ANKRD31: variants seen among roughly 807,000 people sequenced by gnomAD.
ANKRD31 encodes the protein ankyrin repeat domain 31.
ANKRD31 carries 147 observed loss-of-function variants against 186.0 expected under a neutral mutation model. That is an observed-to-expected ratio of 0.79 (90% CI 0.69 to 0.91). The LOEUF (loss-of-function observed/expected upper bound fraction) is 0.91. Ranked by LOEUF, ANKRD31 falls within the 40% of genes least tolerant of loss-of-function variation. ANKRD31 has a pLI of 0.00. For missense variants in ANKRD31, 1,986 were observed against 2,148.8 expected, an observed-to-expected ratio of 0.92 and a Z score of 1.50; for synonymous variants, 673 against 736.4, an observed-to-expected ratio of 0.91 and a Z score of 1.39.
intron 5 of ANKRD31, among the ~76,000 whole-genome samples, chr5:75,202,413 C>T (rs1373720970): frequency 6.6e-6 from 1 of 152,118 alleles, no homozygotes; most frequent in Non-Finnish European, 1.5e-5. Context: ...ATAAAGAATT[C>T]TTGAATTTTT....
chr5:75,173,361 T>C (rs550297225), intron 10 of ANKRD31, among the ~76,000 whole-genome samples: 5 of 152,224 alleles, frequency 3.3e-5, no homozygotes, highest in South Asian at 2.1e-4. Flanking sequence ...CTATTCAACA[T>C]AGTGTTGGAA....
At chr5:75,218,842 C>A (rs569151358) in intron 3 of ANKRD31, among the ~76,000 whole-genome samples, 75 of 152,100 alleles carry the variant, frequency 4.9e-4, no homozygotes, top group Non-Finnish European at 9.3e-4. Context: ...ATATTCAAAT[C>A]AATAAATGTG....
In ANKRD31 at chr5:75,131,600, A is replaced by C. The variant is rs72768332; in HGVS notation, c.3876+6256T>G. 2.8e-3 allele frequency among the ~76,000 whole-genome samples: 420 copies of C among 152,324 alleles called. 2 individuals are homozygous for C. The highest frequency in any genetic ancestry group is 4.5e-3 in the Non-Finnish European group (308 of 68,030). On this transcript the variant is annotated intron_variant, in intron 17 of 25. Transcript: ENST00000506364. ...CTCTGGGGGCAAGGCATAGCTGAAC[A>C]AACAATGGCAGAAACTTCGGCAGAC...
intron 23 of ANKRD31, among the ~76,000 whole-genome samples, chr5:75,086,554 T>C (rs754131713): frequency 2.6e-5 from 4 of 152,212 alleles, no homozygotes; most frequent in Non-Finnish European, 4.4e-5. Flanking sequence ...TCTCAGGCTT[T>C]TGGACAACAT....
chr5:75,095,343 G>A (rs919012201), intron 22 of ANKRD31, among the ~76,000 whole-genome samples: 9 of 151,912 alleles, frequency 5.9e-5, no homozygotes, highest in South Asian at 2.1e-4. Flanking sequence ...GTGTGGTGGC[G>A]GATGCCTGTA....
chr5:75,188,868 T>C (rs116557993), intron 9 of ANKRD31, among the ~76,000 whole-genome samples: 2,254 of 152,256 alleles, frequency 0.015, 68 homozygotes, highest in African/African-American at 0.051. Flanking sequence ...CAAATGCCAC[T>C]AGTCTTAAAA....
chr5:75,091,395 T>A lies in ANKRD31; in HGVS notation c.5338A>T (p.Thr1780Ser), dbSNP rs1207508265. The change falls in exon 23 of 26, where the codon ACC (threonine) becomes TCC (serine). Residue 1780 changes from threonine to serine, a missense_variant. Transcript: ENST00000506364. ...NILEFKTQETTHKASILLNGK... is the reference protein window; with the variant it reads ...NILEFKTQETSHKASILLNGK... The stretch of plus-strand genomic sequence containing the variant: ...TTCAATAAAATACTGGCTTTGTGGG[T>A]AGTCTCCTGAAGTGAAAAATAAAAC... The A allele has an allele frequency of 6.5e-7, 1 of 1,535,430 alleles. No individual in the cohort carries two copies. The highest frequency in any genetic ancestry group is 2.0e-5 in the Admixed American group (1 of 50,454).
intron 23 of ANKRD31, among the ~76,000 whole-genome samples, chr5:75,086,957 G>C (rs961283070): frequency 1.3e-5 from 2 of 152,214 alleles, no homozygotes; most frequent in Admixed American, 6.5e-5. Context: ...TTCTGGAAAT[G>C]TAGTTAATGA....
At chr5:75,141,678 TGTAGTCCCA>T (rs1751060034) in intron 15 of ANKRD31, among the ~76,000 whole-genome samples, 1 of 151,808 alleles carries the variant, frequency 6.6e-6, no homozygotes, top group African/African-American at 2.4e-5. Flanking sequence ...TGTGGTGGCA[TGTAGTCCCA>T]GTTACTGAGG....
chr5:75,069,184 T>G, intron 25 of ANKRD31, among the ~76,000 whole-genome samples: 1 of 151,742 alleles, frequency 6.6e-6, no homozygotes, highest in Admixed American at 6.6e-5. Flanking sequence ...GTGAGAGGAG[T>G]GATGATAAAG....
intron 3 of ANKRD31, among the ~76,000 whole-genome samples, 161 bp downstream of exon 3, chr5:75,222,088 C>A: frequency 6.6e-6 from 1 of 151,016 alleles, no homozygotes; most frequent in African/African-American, 2.4e-5. Context: ...AAAGTTGCAA[C>A]AAAGAAATAG....
intron 22 of ANKRD31, among the ~76,000 whole-genome samples, chr5:75,098,877 C>G (rs1271809611): frequency 2.0e-5 from 3 of 152,178 alleles, no homozygotes; most frequent in African/African-American, 7.2e-5. Flanking sequence ...CATCTGCAAA[C>G]AGGGACAATT....
At position 75,128,572 on chromosome 5, in the gene ANKRD31, T is replaced by G. The variant is rs189025839; in HGVS notation, c.3876+9284A>C. The stretch of plus-strand genomic sequence containing the variant: ...CAGGCTGGAGTGCAGTGGTACGATC[T>G]TGGCTCACTGCAAGCTCCGCCTCCC... On this transcript the variant is annotated intron_variant, in intron 17 of 25. Transcript: ENST00000506364. Among the ~76,000 whole-genome samples the G allele has an allele frequency of 4.7e-3, 716 of 151,790 alleles. 12 individuals carry two copies. The highest frequency in any genetic ancestry group is 0.017 in the African/African-American group (687 of 41,290).
chr5:75,160,175 CATAAT>C (rs1752478570), intron 11 of ANKRD31, among the ~76,000 whole-genome samples: 1 of 151,802 alleles, frequency 6.6e-6, no homozygotes, highest in African/African-American at 2.4e-5. Flanking sequence ...AATATACAAA[CATAAT>C]ATGTATAACA....
chr5:75,081,018 G>T (rs1274235346), intron 24 of ANKRD31, among the ~76,000 whole-genome samples: 1 of 152,124 alleles, frequency 6.6e-6, no homozygotes, highest in Non-Finnish European at 1.5e-5. Flanking sequence ...ATTCTCTCCT[G>T]AGAGTTTTTC....
intron 12 of ANKRD31, among the ~76,000 whole-genome samples, chr5:75,151,882 T>G (rs1260157919): frequency 1.3e-5 from 2 of 152,094 alleles, no homozygotes; most frequent in Admixed American, 6.6e-5. Context: ...TGTCACATTC[T>G]TCATCGTAAT....
intron 17 of ANKRD31, among the ~76,000 whole-genome samples, chr5:75,135,504 A>G (rs1479184164): frequency 6.6e-6 from 1 of 152,078 alleles, no homozygotes; most frequent in Admixed American, 6.5e-5. Context: ...CCACTGCTCA[A>G]CGAAATAAAA....
chr5:75,210,732 A>T (rs968477407), intron 4 of ANKRD31, 96 bp downstream of exon 4: 1 of 897,626 alleles, frequency 1.1e-6, no homozygotes, highest in Non-Finnish European at 1.6e-6. Flanking sequence ...AAAATATACA[A>T]TAATTCTAAA....
chr5:75,077,655 G>A (rs1289560259), intron 25 of ANKRD31, among the ~76,000 whole-genome samples: 1 of 152,046 alleles, frequency 6.6e-6, no homozygotes, highest in Admixed American at 6.5e-5. Flanking sequence ...GCCGGGCGCG[G>A]TGGCTCATGC....
Sources: gnomAD v4.1 joint callset for allele counts (sites outside exome capture counted in the v4.1 genomes callset) on GRCh38, gnomAD v4.1.1 for gene constraint, MANE v1.5 for transcripts, NCBI Gene and HGNC (gene_info 2026-07-23, HGNC 2026-07-21) for gene names.